Variants in LRBA observed in about 807,000 individuals in gnomAD.
LRBA encodes the protein lipopolysaccharide-responsive and beige-like anchor protein.
In LRBA, 176 loss-of-function variants were observed where a neutral mutation model predicts 330.0. The ratio of observed to expected loss-of-function variants is 0.53; its 90% CI spans 0.47 to 0.60. LRBA has a LOEUF of 0.60. Ranked by LOEUF, LRBA falls within the 20% of genes least tolerant of loss-of-function variation. LRBA has a pLI of 0.00. For synonymous variants in LRBA, 1,230 were observed against 1,193.0 expected (o/e 1.03, Z -0.64); for missense variants, 3,259 against 3,444.8 (o/e 0.95, Z 1.35).
chr4:150,587,943 TAG>T, intron 40 of LRBA, 103 bp downstream of exon 40: 1 of 1,278,540 alleles, frequency 7.8e-7, no homozygotes, highest in Non-Finnish European at 1.1e-6. Context: ...CAAGGCAACT[TAG>T]AAGAAATTCA....
intron 37 of LRBA, among the ~76,000 whole-genome samples, chr4:150,677,927 T>C (rs1349737944): frequency 2.0e-5 from 3 of 152,102 alleles, no homozygotes; most frequent in Non-Finnish European, 4.4e-5. Flanking sequence ...ATAATATTCA[T>C]ACATTTTTCT....
chr4:150,438,248 C>T (rs1170346139), intron 44 of LRBA, among the ~76,000 whole-genome samples: 1 of 152,042 alleles, frequency 6.6e-6, no homozygotes, highest in Non-Finnish European at 1.5e-5. Flanking sequence ...TCTGGGAGGT[C>T]GAGGTGGGAG....
At chr4:150,276,656 C>CA (rs1344080209) in intron 56 of LRBA, among the ~76,000 whole-genome samples, 2 of 152,160 alleles carry the variant, frequency 1.3e-5, no homozygotes, top group African/African-American at 2.4e-5. Context: ...TTTACGCAGC[C>CA]AACAAACATA....
intron 41 of LRBA, among the ~76,000 whole-genome samples, chr4:150,489,465 A>AAATATATTATATATAAGAATATAT (rs1561251478): frequency 0.017 from 367 of 21,904 alleles, 16 homozygotes; most frequent in African/African-American, 0.037. Flanking sequence ...TAAGAATATA[A>AAATATATTATATATAAGAATATAT]AATATATTAT....
intron 36 of LRBA, among the ~76,000 whole-genome samples, chr4:150,701,332 T>C (rs1309368217): frequency 6.6e-6 from 1 of 152,092 alleles, no homozygotes; most frequent in Non-Finnish European, 1.5e-5. Context: ...AGGAATACAC[T>C]CTAAAATAAC....
chr4:150,913,262 G>A (rs1732214284), intron 9 of LRBA, among the ~76,000 whole-genome samples: 1 of 152,350 alleles, frequency 6.6e-6, no homozygotes, highest in South Asian at 2.1e-4. Flanking sequence ...GAGGTCAGGA[G>A]TTTGAGACCA....
chr4:150,975,819 T>A lies in LRBA; in HGVS notation c.216+38608A>T, dbSNP rs1255970062. 3.3e-5 allele frequency among the ~76,000 whole-genome samples: 5 copies of A among 151,584 alleles called. No homozygotes were observed. The East Asian group carries it at 9.7e-4, about 29-fold the overall frequency. On this transcript the variant is annotated intron_variant, in intron 2 of 56. Transcript: ENST00000651943. ...AAAAAAATGAATAATCTAATGGAAA[T>A]ATGGGACAGTATCCAAAAGTCTAAC...
At chr4:150,514,108 T>G (rs2152141830) in intron 40 of LRBA, among the ~76,000 whole-genome samples, 1 of 152,308 alleles carries the variant, frequency 6.6e-6, no homozygotes, top group African/African-American at 2.4e-5. Flanking sequence ...GTTTCACTCT[T>G]GTCACCCAGG....
intron 40 of LRBA, among the ~76,000 whole-genome samples, chr4:150,494,049 A>T (rs1759275812): frequency 6.6e-6 from 1 of 152,106 alleles, no homozygotes; most frequent in Admixed American, 6.6e-5. Flanking sequence ...GCGCCACTGC[A>T]CTCCAGCCTG....
chr4:150,312,671 C>T lies in LRBA; in HGVS notation c.7694-2287G>A, dbSNP rs190485568. Among the ~76,000 whole-genome samples, 77 of 152,224 alleles carry T rather than the reference C, an allele frequency of 5.1e-4. No individual in the cohort carries two copies. In the East Asian group the frequency reaches 9.5e-3, roughly 19 times the overall value. ...CAATAAAATGGAATAAGGATCCAAT[C>T]ATGCTGTCAATTGGTAGATAATTAA... On this transcript the variant is annotated intron_variant, in intron 51 of 56. Transcript: ENST00000651943.
chr4:150,464,887 T>C lies in LRBA; in HGVS notation c.6780+2786A>G, dbSNP rs577600512. 1.2e-4 allele frequency among the ~76,000 whole-genome samples: 18 copies of C among 152,188 alleles called. No individual in the cohort carries two copies. The East Asian group carries it at 3.5e-3, about 29-fold the overall frequency. On this transcript the variant is annotated intron_variant, in intron 44 of 56. Coordinates refer to ENST00000651943, the MANE Select transcript of LRBA (RefSeq NM_001364905.1). ...TTGCTAACTTTTTTTTTCTTGCTGGTTTCTCTTTTATTAATGGTGGCAAAA... is the reference window on the plus strand; with the variant it reads ...TTGCTAACTTTTTTTTTCTTGCTGGCTTCTCTTTTATTAATGGTGGCAAAA...
At chr4:150,336,885 C>A (rs751246566) in intron 48 of LRBA, among the ~76,000 whole-genome samples, 1 of 152,110 alleles carries the variant, frequency 6.6e-6, no homozygotes, top group South Asian at 2.1e-4. Context: ...TAATGTTCAG[C>A]GGCACTGTGT....
At chr4:150,354,384 A>G (rs1190451063) in intron 47 of LRBA, among the ~76,000 whole-genome samples, 1 of 152,102 alleles carries the variant, frequency 6.6e-6, no homozygotes, top group African/African-American at 2.4e-5. Flanking sequence ...CTGGAGTTAA[A>G]TACGGTTTGC....
At chr4:150,916,349 T>C in intron 7 of LRBA, 52 bp downstream of exon 7, 1 of 1,565,144 alleles carries the variant, frequency 6.4e-7, no homozygotes. Context: ...CAAAGCATTT[T>C]GATGACTAGC....
At chr4:150,273,184 A>T (rs545762698) in intron 56 of LRBA, among the ~76,000 whole-genome samples, 1 of 152,306 alleles carries the variant, frequency 6.6e-6, no homozygotes, top group Non-Finnish European at 1.5e-5. Context: ...ATAATTCTCA[A>T]CCCAGAATTT....
intron 28 of LRBA, chr4:150,840,948 C>A: frequency 8.7e-7 from 1 of 1,146,982 alleles, no homozygotes; most frequent in Non-Finnish European, 1.1e-6. Flanking sequence ...AGAAGATAGG[C>A]TCAATTTGAA....
intron 49 of LRBA, among the ~76,000 whole-genome samples, chr4:150,323,438 A>C (rs1215654333): frequency 6.6e-6 from 1 of 152,204 alleles, no homozygotes; most frequent in Non-Finnish European, 1.5e-5. Context: ...TTAGGCTCAA[A>C]TTGAATAGTT....
intron 34 of LRBA, among the ~76,000 whole-genome samples, chr4:150,780,456 T>C (rs1053088203): frequency 2.0e-5 from 3 of 152,008 alleles, no homozygotes; most frequent in Non-Finnish European, 1.5e-5. Flanking sequence ...TAACTTCTTA[T>C]GGTTGTCAAG....
intron 2 of LRBA, among the ~76,000 whole-genome samples, chr4:150,934,676 C>T (rs1216939760): frequency 6.6e-6 from 1 of 151,734 alleles, no homozygotes; most frequent in East Asian, 1.9e-4. Context: ...GTTCCGAGAC[C>T]AGTGTGGCCA....
Sources: gnomAD v4.1 joint callset for allele counts (sites outside exome capture counted in the v4.1 genomes callset) on GRCh38, gnomAD v4.1.1 for gene constraint, MANE v1.5 for transcripts, NCBI Gene and HGNC (gene_info 2026-07-23, HGNC 2026-07-21) for gene names.